Variants in RPLP2 observed in about 807,000 individuals in gnomAD.
RPLP2 encodes ribosomal protein lateral stalk subunit P2, also known as large ribosomal subunit protein P2.
A neutral mutation model predicts 11.5 loss-of-function variants in RPLP2; 1 was observed. The ratio of observed to expected loss-of-function variants is 0.09; its 90% confidence interval spans 0.03 to 0.41. The LOEUF (loss-of-function observed/expected upper bound fraction) is 0.41. Among genes scored for constraint, RPLP2 ranks in the 10% least tolerant of loss-of-function variants. RPLP2 has a pLI of 0.98. For missense variants in RPLP2, 177 were observed against 145.6 expected, an observed-to-expected ratio of 1.22 and a Z score of -1.11; for synonymous variants, 82 against 55.9, an observed-to-expected ratio of 1.47 and a Z score of -2.08.
At position 812,579 on chromosome 11, in the gene RPLP2, G is replaced by A. The variant is rs200346016; in HGVS notation, c.217G>A (p.Val73Ile). ...ASVPAGGAVAVSAAPGSAAPA... is the reference protein window; with the variant it reads ...ASVPAGGAVAISAAPGSAAPA... ...TGTACCTGCTGGTGGGGCTGTAGCC[G>A]TCTCTGCTGCCCCAGGCTCTGCAGC... The change falls in exon 4 of 5, where the codon GTC becomes ATC. Residue 73 changes from valine (V) to isoleucine (I), a missense_variant. Coordinates refer to ENST00000321153, the MANE Select transcript of RPLP2 (RefSeq NM_001004.4). 2,220 of 1,609,404 alleles carry A rather than the reference G, an allele frequency of 1.4e-3. 49 individuals carry two copies. In the South Asian group the frequency reaches 0.023, roughly 17 times the overall value.
At chr11:812,229 C>T (rs1455054047) in intron 3 of RPLP2, 3 of 457,172 alleles carry the variant, frequency 6.6e-6, no homozygotes, top group Admixed American at 3.4e-5. Flanking sequence ...CACACTCATT[C>T]CCTACCTAGT....
chr11:810,155 C>G, intron 1 of RPLP2, 79 bp from the exon 2 acceptor site: 1 of 1,379,650 alleles, frequency 7.2e-7, no homozygotes, highest in Non-Finnish European at 9.4e-7. Flanking sequence ...CACGCGCGGC[C>G]TCGCCCGGCG....
intron 2 of RPLP2, 69 bp downstream of exon 2, chr11:810,426 G>C: frequency 6.8e-7 from 1 of 1,468,126 alleles, no homozygotes; most frequent in Non-Finnish European, 9.3e-7. Flanking sequence ...TCTTCTGCCT[G>C]ATCCGGCCAC....
At chr11:812,245 A>G in intron 3 of RPLP2, 1 of 488,574 alleles carries the variant, frequency 2.0e-6, no homozygotes, top group South Asian at 2.1e-5. Flanking sequence ...CTAGTTATGA[A>G]CATGTCTGTC....
In RPLP2 at chr11:811,590, G is replaced by C; in HGVS notation, c.124-7G>C. On this transcript the variant is annotated splice_region_variant and splice_polypyrimidine_tract_variant and intron_variant, in intron 2 of 4. Coordinates refer to ENST00000321153, the MANE Select transcript of RPLP2 (RefSeq NM_001004.4). ...CCTGGTAACAGCCCTGTGATTGTCT[G>C]CTTCAGGTTATCAGTGAGCTGAATG... The C allele has an allele frequency of 5.6e-6, 9 of 1,614,218 alleles. No homozygotes were observed. Among genetic ancestry groups the C allele is most frequent in the Non-Finnish European group, 7.6e-6 (9 of 1,180,026 alleles).
intron 2 of RPLP2, among the ~76,000 whole-genome samples, chr11:810,889 A>AT (rs2133835109): frequency 6.6e-6 from 1 of 151,756 alleles, no homozygotes; most frequent in Admixed American, 6.6e-5. Flanking sequence ...TGCGTTAAAA[A>AT]AAAAAAAAAG....
At chr11:810,799 A>G (rs1423547862) in intron 2 of RPLP2, among the ~76,000 whole-genome samples, 1 of 151,786 alleles carries the variant, frequency 6.6e-6, no homozygotes, top group East Asian at 1.9e-4. Flanking sequence ...AGGAAAAAAA[A>G]AAAAAAAAGC....
intron 2 of RPLP2, 82 bp downstream of exon 2, chr11:810,439 G>C: frequency 7.3e-7 from 1 of 1,366,080 alleles, no homozygotes; most frequent in Non-Finnish European, 1.0e-6. Context: ...CCGGCCACAT[G>C]CTGGAGGGTT....
chr11:811,665 C>G lies in RPLP2; in HGVS notation c.172+20C>G. 6.2e-7 allele frequency: 1 copy of G among 1,614,188 alleles called. No homozygotes were observed. The highest frequency in any genetic ancestry group is 8.5e-7 in the Non-Finnish European group (1 of 1,180,010). ...CCCAGGGTGAGTTGATGTGGACGGG[C>G]TTTCGTTTGTTTTCATGGTCCATCC... On this transcript the variant is annotated intron_variant, in intron 3 of 4. Transcript: ENST00000321153.
chr11:812,506 C>T (rs1565080491), intron 3 of RPLP2, 29 bp from the exon 4 acceptor site: 2 of 1,607,078 alleles, frequency 1.2e-6, no homozygotes, highest in African/African-American at 1.3e-5. Flanking sequence ...TGGGCAGCTG[C>T]TCTGGTCTCA....
Position 809,988 on chromosome 11 carries a change from C to T in RPLP2, c.-53C>T, listed in dbSNP as rs1040929208. On this transcript the variant is annotated 5_prime_UTR_variant, in exon 1 of 5. Coordinates refer to ENST00000321153, the MANE Select transcript of RPLP2 (RefSeq NM_001004.4). Reference sequence around the variant, plus strand: ...CCTTCCTTTTCCTCCCTGTCGCCACCGAGGTCGCACGCGTGAGACTTCTCC... The same window carrying T: ...CCTTCCTTTTCCTCCCTGTCGCCACTGAGGTCGCACGCGTGAGACTTCTCC... The T allele has an allele frequency of 1.1e-4, 44 of 411,366 alleles. No homozygotes were observed. Among genetic ancestry groups the T allele is most frequent in the Middle Eastern group, 1.3e-3 (2 of 1,514 alleles). 25.5% of individuals were successfully genotyped at this position (411,366 alleles called of 1,614,324 possible). A position where few individuals can be genotyped will look rare whatever the true frequency, so the allele number is the denominator to read the frequency against.
At position 812,849 on chromosome 11, in the gene RPLP2, C is replaced by G. The variant is rs1456863044; in HGVS notation, c.*13C>G. 1.2e-6 allele frequency: 2 copies of G among 1,612,248 alleles called. No individual in the cohort carries two copies. On this transcript the variant is annotated 3_prime_UTR_variant, in exon 5 of 5. Transcript: ENST00000321153. ...CCTTTTTGATTAAATTCCTGCTCCC[C>G]TGCAAATAAAGCCTTTTTACACATC...
chr11:812,494 G>C (rs1379592145), intron 3 of RPLP2, 41 bp from the exon 4 acceptor site: 2 of 1,602,522 alleles, frequency 1.2e-6, no homozygotes, highest in Non-Finnish European at 8.5e-7. Flanking sequence ...AGCCTCCCAG[G>C]CTGGGCAGCT....
chr11:810,337 G>A lies in RPLP2; in HGVS notation c.103G>A (p.Asp35Asn), dbSNP rs1313929612. 3 of 1,607,712 alleles carry A rather than the reference G, an allele frequency of 1.9e-6. No individual in the cohort carries two copies. In the African/African-American group the frequency reaches 4.0e-5, roughly 22 times the overall value. ...KILDSVGIEA[D>N]DDRLNKVISE... ...CTTGGACAGCGTGGGTATCGAGGCGGACGACGACCGGCTCAACAAGGTAGC... is the reference window on the plus strand; with the variant it reads ...CTTGGACAGCGTGGGTATCGAGGCGAACGACGACCGGCTCAACAAGGTAGC... The change falls in exon 2 of 5, where the codon GAC becomes AAC. Residue 35 changes from aspartate (D) to asparagine (N), a missense_variant. Physicochemically the swap from Asp to Asn is conservative, Grantham distance 23. Coordinates refer to ENST00000321153, the MANE Select transcript of RPLP2 (RefSeq NM_001004.4).
intron 3 of RPLP2, 116 bp downstream of exon 3, chr11:811,761 C>G (rs777753451): frequency 3.8e-6 from 5 of 1,329,782 alleles, no homozygotes; most frequent in Middle Eastern, 1.8e-4. Flanking sequence ...AAGCCTCACC[C>G]GAGGAGTGAG....
chr11:812,847 C>T lies in RPLP2; in HGVS notation c.*11C>T. On this transcript the variant is annotated 3_prime_UTR_variant, in exon 5 of 5. Coordinates refer to ENST00000321153, the MANE Select transcript of RPLP2 (RefSeq NM_001004.4). ...GGCCTTTTTGATTAAATTCCTGCTC[C>T]CCTGCAAATAAAGCCTTTTTACACA... is the stretch of plus-strand genomic sequence containing the variant. 1 of 1,612,280 alleles carries T rather than the reference C, an allele frequency of 6.2e-7. No individual in the cohort carries two copies. The highest frequency in any genetic ancestry group is 2.1e-4 in the Middle Eastern group (1 of 4,830).
intron 1 of RPLP2, 74 bp from the exon 2 acceptor site, chr11:810,160 C>CCGG: frequency 7.2e-7 from 1 of 1,382,934 alleles, no homozygotes; most frequent in Non-Finnish European, 9.4e-7. Flanking sequence ...GCGGCCTCGC[C>CCGG]CGGCGGCCCC....
chr11:810,530 A>C, intron 2 of RPLP2, 173 bp downstream of exon 2: 1 of 568,856 alleles, frequency 1.8e-6, no homozygotes, highest in Non-Finnish European at 3.0e-6. Context: ...GCGGTGGCTC[A>C]CGCCTGTAGT....
chr11:812,520 C>G lies in RPLP2; in HGVS notation c.173-15C>G. The G allele has an allele frequency of 1.9e-6, 3 of 1,608,540 alleles. No homozygotes were observed. Among genetic ancestry groups the G allele is most frequent in the Non-Finnish European group, 1.7e-6 (2 of 1,179,792 alleles). On this transcript the variant is annotated splice_polypyrimidine_tract_variant and intron_variant, in intron 3 of 4. Coordinates refer to ENST00000321153, the MANE Select transcript of RPLP2 (RefSeq NM_001004.4). Reference sequence around the variant, plus strand: ...CTGGGCAGCTGCTCTGGTCTCACCTCTCTGCTTTCTGTAGGTATTGGCAAG... The same window carrying G: ...CTGGGCAGCTGCTCTGGTCTCACCTGTCTGCTTTCTGTAGGTATTGGCAAG...
Sources: gnomAD v4.1 joint callset for allele counts (sites outside exome capture counted in the v4.1 genomes callset) on GRCh38, gnomAD v4.1.1 for gene constraint, MANE v1.5 for transcripts, NCBI Gene and HGNC (gene_info 2026-07-23, HGNC 2026-07-21) for gene names.